The following B4GALNT2 variants were observed in gnomAD, a reference collection of about 807,000 sequenced individuals.
B4GALNT2 encodes beta-1,4-N-acetyl-galactosaminyltransferase 2 (SID blood group).
A neutral mutation model predicts 51.1 loss-of-function variants in B4GALNT2; 42 were observed. That is an observed-to-expected ratio of 0.82 (90% CI 0.64 to 1.06). The LOEUF (loss-of-function observed/expected upper bound fraction) is 1.06. Among genes scored for constraint, B4GALNT2 ranks in the 50% least tolerant of loss-of-function variants. The pLI, the probability that B4GALNT2 is intolerant of heterozygous loss-of-function variation, is 0.00. For synonymous variants in B4GALNT2, 253 were observed against 251.7 expected (o/e 1.01, Z -0.05); for missense variants, 602 against 633.6 (o/e 0.95, Z 0.54).
At chr17:49,147,667 T>A (rs1395381543) in intron 3 of B4GALNT2, among the ~76,000 whole-genome samples, 3 of 152,012 alleles carry the variant, frequency 2.0e-5, no homozygotes, top group Non-Finnish European at 4.4e-5. Context: ...TGAGCCACCA[T>A]GCCTGGCCAG....
intron 5 of B4GALNT2, among the ~76,000 whole-genome samples, chr17:49,157,415 A>C (rs1337732846): frequency 6.9e-6 from 1 of 144,576 alleles, no homozygotes; most frequent in Non-Finnish European, 1.5e-5. Context: ...CCACCTCCCG[A>C]GTTCAATCGA....
At chr17:49,164,354 C>A in intron 8 of B4GALNT2, 79 bp downstream of exon 8, 2 of 1,345,218 alleles carry the variant, frequency 1.5e-6, no homozygotes, top group Non-Finnish European at 1.0e-6. Context: ...CTGGATGGGG[C>A]CGCTTCCTCA....
Position 49,156,546 on chromosome 17 carries a change from C to A in B4GALNT2, c.461-20C>A, listed in dbSNP as rs1040000778. On this transcript the variant is annotated intron_variant, in intron 4 of 10. Coordinates refer to ENST00000393354, the MANE Select transcript of B4GALNT2 (RefSeq NM_001159387.2). Reference sequence around the variant, plus strand: ...TGTCTTTCATGAGCAGTTTTCTTTCCTTTTCCCTGTGTCCTCCAGGCCTCC... The same window carrying A: ...TGTCTTTCATGAGCAGTTTTCTTTCATTTTCCCTGTGTCCTCCAGGCCTCC... The A allele has an allele frequency of 6.2e-7, 1 of 1,613,540 alleles. No homozygotes were observed. Among genetic ancestry groups the A allele is most frequent in the African/African-American group, 1.3e-5 (1 of 74,910 alleles).
intron 3 of B4GALNT2, among the ~76,000 whole-genome samples, chr17:49,147,551 T>G (rs2042706999): frequency 1.3e-5 from 2 of 151,810 alleles, no homozygotes; most frequent in African/African-American, 4.8e-5. Context: ...ATTTTTGTGT[T>G]TTTTTGTAGA....
chr17:49,143,376 A>T (rs1466147784), intron 3 of B4GALNT2, among the ~76,000 whole-genome samples: 1 of 152,230 alleles, frequency 6.6e-6, no homozygotes, highest in East Asian at 1.9e-4. Context: ...TGTTAGAAGG[A>T]TGCTGGGGCC....
chr17:49,163,028 C>T lies in B4GALNT2; in HGVS notation c.767-1060C>T, dbSNP rs113402849. Among the ~76,000 whole-genome samples, 352 of 150,810 alleles carry T rather than the reference C, an allele frequency of 2.3e-3. 1 individual carries two copies. The highest frequency in any genetic ancestry group is 7.9e-3 in the African/African-American group (326 of 41,214). On this transcript the variant is annotated intron_variant, in intron 7 of 10. Coordinates refer to ENST00000393354, the MANE Select transcript of B4GALNT2 (RefSeq NM_001159387.2). ...CATTCTGGGAAAGTGGCTCTGTGCACTCACCCACAAACAGGTAGGGTTGTG... is the reference window on the plus strand; with the variant it reads ...CATTCTGGGAAAGTGGCTCTGTGCATTCACCCACAAACAGGTAGGGTTGTG...
chr17:49,152,901 T>C lies in B4GALNT2; in HGVS notation c.455T>C (p.Ile152Thr). The change falls in exon 4 of 11, where the codon ATC becomes ACC. Residue 152 changes from isoleucine to threonine, a missense_variant. Transcript: ENST00000393354. ...GTGATGCCCCTGCACACGGTTCCCA[T>C]CCCAGGTAAGTACATCCACATACCA... ...VEVMPLHTVP[I>T]PGLQFEGPDA... The C allele has an allele frequency of 6.2e-7, 1 of 1,607,906 alleles. No individual in the cohort carries two copies. Among genetic ancestry groups the C allele is most frequent in the Non-Finnish European group, 8.5e-7 (1 of 1,176,526 alleles).
intron 4 of B4GALNT2, among the ~76,000 whole-genome samples, chr17:49,154,636 C>T (rs770696418): frequency 2.6e-5 from 4 of 151,874 alleles, no homozygotes; most frequent in Non-Finnish European, 4.4e-5. Flanking sequence ...TGGACCCAGC[C>T]GAGCTCTCTC....
chr17:49,158,905 A>G, intron 5 of B4GALNT2, 132 bp from the exon 6 acceptor site: 1 of 1,079,078 alleles, frequency 9.3e-7, no homozygotes, highest in Non-Finnish European at 1.3e-6. Flanking sequence ...TACACTGTCA[A>G]GGGCACCCTG....
At chr17:49,157,806 T>C (rs2042824701) in intron 5 of B4GALNT2, among the ~76,000 whole-genome samples, 1 of 152,210 alleles carries the variant, frequency 6.6e-6, no homozygotes, top group East Asian at 1.9e-4. Context: ...AATTCCCTGC[T>C]GCGCGTAGTT....
intron 3 of B4GALNT2, among the ~76,000 whole-genome samples, chr17:49,145,215 G>T (rs774297874): frequency 6.6e-6 from 1 of 152,038 alleles, no homozygotes. Flanking sequence ...CATCTCCTGA[G>T]ATCATACATA....
chr17:49,157,220 C>G (rs11868982), intron 5 of B4GALNT2, among the ~76,000 whole-genome samples: 25,097 of 151,880 alleles, frequency 0.17, 2,380 homozygotes, highest in South Asian at 0.31. Context: ...GAGTGCAGTG[C>G]CGCAATCATG....
intron 9 of B4GALNT2, among the ~76,000 whole-genome samples, chr17:49,166,687 C>G (rs1049107365): frequency 6.6e-6 from 1 of 152,172 alleles, no homozygotes; most frequent in Non-Finnish European, 1.5e-5. Flanking sequence ...TAAAAACAGC[C>G]TAGGTGTGAT....
chr17:49,136,772 C>T (rs992889864), intron 1 of B4GALNT2, among the ~76,000 whole-genome samples: 1 of 151,986 alleles, frequency 6.6e-6, no homozygotes, highest in African/African-American at 2.4e-5. Context: ...GTCTCGAATT[C>T]CTGACCTCAG....
intron 4 of B4GALNT2, among the ~76,000 whole-genome samples, chr17:49,155,186 G>A (rs538500383): frequency 3.2e-4 from 48 of 150,576 alleles, no homozygotes; most frequent in Middle Eastern, 3.4e-3. Context: ...GTACATGCCT[G>A]TGGTCCCAGT....
At chr17:49,120,484 CTGTGTGTGTGTGTGTGTG>C in the B4GALNT2 span, among the ~76,000 whole-genome samples, 3 of 144,064 alleles carry the variant, frequency 2.1e-5, no homozygotes, top group African/African-American at 7.8e-5. Context: ...GTGTGTGTGT[CTGTGTGTGTGTGTGTGTG>C]TGTGTGTGTG....
chr17:49,125,068 A>G, the B4GALNT2 span, among the ~76,000 whole-genome samples: 59 of 152,324 alleles, frequency 3.9e-4, no homozygotes, highest in East Asian at 8.5e-3. Context: ...CCAAAACTAT[A>G]TGTAAACTTT....
chr17:49,150,132 C>G (rs1474245636), intron 3 of B4GALNT2, among the ~76,000 whole-genome samples: 2 of 139,488 alleles, frequency 1.4e-5, no homozygotes, highest in African/African-American at 5.3e-5. Context: ...CGCCTCTGCC[C>G]GGCCGCCCCT....
At chr17:49,160,680 T>C (rs1567864726) in intron 7 of B4GALNT2, 39 bp downstream of exon 7, 2 of 1,553,382 alleles carry the variant, frequency 1.3e-6, no homozygotes, top group African/African-American at 1.4e-5. Flanking sequence ...GTGGCAACCC[T>C]GTGAAGCTAT....
Sources: allele counts gnomAD v4.1 joint callset (sites outside exome capture counted in the v4.1 genomes callset), GRCh38; gene constraint gnomAD v4.1.1; transcripts MANE v1.5; gene names NCBI Gene and HGNC (gene_info 2026-07-23, HGNC 2026-07-21).